The following MDN1 variants were observed in gnomAD, a reference collection of about 807,000 sequenced individuals.
The protein encoded by MDN1 is midasin AAA ATPase 1.
In MDN1, 266 loss-of-function variants were observed where a neutral mutation model predicts 669.2. The observed-to-expected ratio is 0.40, with a 90% CI of 0.36 to 0.44. The LOEUF (loss-of-function observed/expected upper bound fraction) is 0.44. Ranked by LOEUF, MDN1 falls within the 20% of genes least tolerant of loss-of-function variation. The pLI is 1.00. For missense variants in MDN1, 5,940 were observed against 6,754.0 expected, an observed-to-expected ratio of 0.88 and a Z score of 4.22; for synonymous variants, 2,385 against 2,457.1, an observed-to-expected ratio of 0.97 and a Z score of 0.87.
Position 89,644,210 on chromosome 6 carries a change from T to C in MDN1, c.16603-17A>G, listed in dbSNP as rs1273668219. On this transcript the variant is annotated splice_polypyrimidine_tract_variant and intron_variant, in intron 101 of 101. Coordinates refer to ENST00000369393, the MANE Select transcript of MDN1 (RefSeq NM_014611.3). ...GATAGAATCCTGTCAACAAAAGACA[T>C]TTTGAAATGGGGAGGCAGCGATTAA... 10 of 1,592,258 alleles carry C rather than the reference T, an allele frequency of 6.3e-6. No homozygotes were observed. Among genetic ancestry groups the C allele is most frequent in the Admixed American group, 1.8e-5 (1 of 57,104 alleles).
chr6:89,656,920 A>C (rs1584100848), intron 90 of MDN1, 119 bp from the exon 91 acceptor site: 2 of 797,230 alleles, frequency 2.5e-6, no homozygotes, highest in Admixed American at 2.7e-5. Context: ...TCATATAATC[A>C]CTCCTGCCTA....
In MDN1 at chr6:89,695,804, T is replaced by C; in HGVS notation, c.9572A>G (p.Lys3191Arg). The C allele has an allele frequency of 6.2e-7, 1 of 1,613,760 alleles. No homozygotes were observed. The highest frequency in any genetic ancestry group is 8.5e-7 in the Non-Finnish European group (1 of 1,180,012). ...GDMAGQEVLP[K>R]ELLCQLLTSL... ...GGTGAGCAACTGGCAGAGCAGTTCC[T>C]TGGGCAGCACCTCCTGACCAGCCAT... Residue 3191 changes from lysine (K) to arginine (R), a missense_variant, in exon 61 of 102, where the codon AAG (lysine) becomes AGG (arginine). This residue lies in a region of MDN1 where 2,292 missense variants were observed against 2,638.3 expected (regional missense o/e 0.87). Transcript: ENST00000369393. This position sits in a 1 kb window ranked among gnomAD's most constrained non-coding sequence, Gnocchi z 4.1.
At chr6:89,667,589 G>A (rs1267105228) in intron 84 of MDN1, among the ~76,000 whole-genome samples, 1 of 152,170 alleles carries the variant, frequency 6.6e-6, no homozygotes, top group African/African-American at 2.4e-5. Flanking sequence ...AACCAAAAAA[G>A]GATACAGATT....
chr6:89,730,944 C>A, intron 34 of MDN1, 21 bp from the exon 35 acceptor site: 1 of 1,607,866 alleles, frequency 6.2e-7, no homozygotes, highest in South Asian at 1.1e-5. Context: ...GAGGATCAGT[C>A]CATGAAGCAA....
At chr6:89,704,705 C>G (rs1312781323) in intron 53 of MDN1, among the ~76,000 whole-genome samples, 1 of 152,096 alleles carries the variant, frequency 6.6e-6, no homozygotes, top group Admixed American at 6.5e-5. Context: ...TCCTGCCTCT[C>G]GAGTAGCTGG....
chr6:89,736,919 G>C (rs1449265406), intron 33 of MDN1, among the ~76,000 whole-genome samples: 1 of 152,182 alleles, frequency 6.6e-6, no homozygotes, highest in African/African-American at 2.4e-5. Context: ...CTGGGCCTTA[G>C]ACCAGTATTA....
rs1042895196 is a variant in MDN1 at position 89,686,089 on chromosome 6, G to A, written c.11573-116C>T. 4 of 996,408 alleles carry A rather than the reference G, an allele frequency of 4.0e-6. No individual in the cohort carries two copies. The African/African-American group carries it at 4.9e-5, about 12-fold the overall frequency. 61.7% of individuals were successfully genotyped at this position (996,408 alleles called of 1,614,324 possible). ...ATGGCCAAGAGGTAGACATCACAAT[G>A]TGAAGCTCTCAAGCAAGGACCATGG... On this transcript the variant is annotated intron_variant, in intron 69 of 101. Transcript: ENST00000369393.
chr6:89,686,784 G>C, intron 69 of MDN1, 118 bp downstream of exon 69: 1 of 1,332,038 alleles, frequency 7.5e-7, no homozygotes. Context: ...TCAAATGGGA[G>C]GCATTCCCAT....
intron 1 of MDN1, among the ~76,000 whole-genome samples, chr6:89,813,968 A>G (rs1456781136): frequency 6.6e-6 from 1 of 151,888 alleles, no homozygotes; most frequent in East Asian, 1.9e-4. Flanking sequence ...TGGCATGCCT[A>G]TAGTTCCAGC....
In MDN1 at chr6:89,751,532, C is replaced by G; in HGVS notation, c.3126G>C (p.Trp1042Cys). 1 of 1,614,166 alleles carries G rather than the reference C, an allele frequency of 6.2e-7. No individual in the cohort carries two copies. Among genetic ancestry groups the G allele is most frequent in the Non-Finnish European group, 8.5e-7 (1 of 1,180,016 alleles). The stretch of plus-strand genomic sequence containing the variant: ...TAGGCTCCTTGTCTCCCACCGCAAT[C>G]CAGTAGCCTTCAACCTGGATAAGCC... The part of the protein sequence containing the change: ...GGRLIQVEGY[W>C]IAVGDKEPTI... Residue 1042 changes from tryptophan to cysteine, a missense_variant, in exon 23 of 102, where the codon TGG (tryptophan) becomes TGC (cysteine). This residue lies in a region of MDN1 where 1,203 missense variants were observed against 1,268.9 expected (regional missense o/e 0.95). Transcript: ENST00000369393.
chr6:89,734,716 A>AGAGAGAGAGAGAGAG (rs1562158027), intron 33 of MDN1, among the ~76,000 whole-genome samples: 13 of 146,806 alleles, frequency 8.9e-5, no homozygotes, highest in South Asian at 2.2e-4. Flanking sequence ...AGAGAGAGAG[A>AGAGAGAGAGAGAGAG]ACTCCCTGAT....
At chr6:89,683,055 G>C (rs573143814) in intron 73 of MDN1, 77 bp downstream of exon 73, 17 of 1,412,642 alleles carry the variant, frequency 1.2e-5, no homozygotes, top group Non-Finnish European at 1.5e-5. Flanking sequence ...CTAGTACTGA[G>C]GCATGCCTTG....
At position 89,708,612 on chromosome 6, in the gene MDN1, A is replaced by G. The variant is rs55729223; in HGVS notation, c.7782T>C (p.Pro2594=). 0.17 allele frequency: 281,197 copies of G among 1,613,272 alleles called. 26,296 individuals are homozygous for G. The highest frequency in any genetic ancestry group is 0.19 in the Non-Finnish European group (224,965 of 1,179,396). ...QPNTTDEFVI[P]LDPRWNMQAL... is the part of the protein sequence containing the mutation. The stretch of plus-strand genomic sequence containing the variant: ...CCTGCATATTCCATCGGGGATCCAG[A>G]GGGATCACAAATTCATCTAGTTTAA... The change falls in exon 51 of 102, where the codon CCT becomes CCC. Residue 2594 remains proline (P), a synonymous_variant. Transcript: ENST00000369393.
rs769109449 is a variant in MDN1, at chr6:89,777,730, CAACT to C, written c.1726-1039_1726-1036del. On this transcript the variant is annotated intron_variant, in intron 11 of 101. Transcript: ENST00000369393. ...TGATTTTCAGATTTTTGCATTCCAG[CAACT>C]AACTAACCCCACCTGACTCAGTTAC... Among the ~76,000 whole-genome samples the C allele has an allele frequency of 1.4e-4, 22 of 152,230 alleles. 2 individuals are homozygous for C. The highest frequency in any genetic ancestry group is 9.2e-4 in the Admixed American group (14 of 15,286).
At chr6:89,758,471 C>T (rs1370074782) in intron 18 of MDN1, 120 bp from the exon 19 acceptor site, 2 of 796,426 alleles carry the variant, frequency 2.5e-6, no homozygotes, top group East Asian at 2.7e-5. Context: ...TGAAACCCCA[C>T]TGAAATAACT....
intron 2 of MDN1, among the ~76,000 whole-genome samples, chr6:89,802,509 C>T (rs979883046): frequency 2.0e-5 from 3 of 152,100 alleles, no homozygotes; most frequent in East Asian, 1.9e-4. Context: ...ATGGTGAAAC[C>T]CCGTCTCTAC....
intron 9 of MDN1, 66 bp from the exon 10 acceptor site, chr6:89,781,658 T>G: frequency 3.6e-6 from 5 of 1,402,080 alleles, no homozygotes; most frequent in Non-Finnish European, 4.8e-6. Context: ...GCACACAAAC[T>G]ACTGCTGAAA....
chr6:89,674,585 G>T lies in MDN1; in HGVS notation c.12766C>A (p.Leu4256Ile), dbSNP rs746276217. 9 of 1,559,344 alleles carry T rather than the reference G, an allele frequency of 5.8e-6. No individual in the cohort carries two copies. The Admixed American group carries it at 1.3e-4, about 22-fold the overall frequency. The change falls in exon 79 of 102, where the codon CTC becomes ATC. Residue 4256 changes from leucine to isoleucine, a missense_variant. This residue lies in a region of MDN1 where 2,280 missense variants were observed against 2,576.3 expected (regional missense o/e 0.88). Coordinates refer to ENST00000369393, the MANE Select transcript of MDN1 (RefSeq NM_014611.3). ...TGAATCTCTTGCACACAGCTGAGGA[G>T]GTTCCTGTACAGAGAAACCCATGGG... The part of the protein sequence containing the change: ...LSEQWIILRN[L>I]LSCVQEIHSR...
chr6:89,725,059 T>C (rs899528233), intron 38 of MDN1, 140 bp downstream of exon 38: 11 of 744,958 alleles, frequency 1.5e-5, no homozygotes, highest in African/African-American at 7.1e-5. Flanking sequence ...CACATTAATA[T>C]TGATCATATA....
Sources: gnomAD v4.1 joint callset for allele counts (sites outside exome capture counted in the v4.1 genomes callset) on GRCh38, gnomAD v4.1.1 for gene constraint, gnomAD v4.1.1 regional missense constraint, Gnocchi (gnomAD v3.1) non-coding constraint, MANE v1.5 for transcripts, NCBI Gene and HGNC (gene_info 2026-07-23, HGNC 2026-07-21) for gene names.